The following MTMR2 variants were observed in gnomAD, a reference collection of about 807,000 sequenced individuals.
The protein encoded by MTMR2 is phosphatidylinositol-3,5-bisphosphate 3-phosphatase MTMR2.
Under a neutral mutation model 86.9 loss-of-function variants are expected in MTMR2, and 55 were observed. The ratio of observed to expected loss-of-function variants is 0.63; its 90% CI spans 0.51 to 0.79. MTMR2 has a LOEUF of 0.79. MTMR2 is among the 30% of genes least tolerant of loss of function. The pLI, the probability that MTMR2 is intolerant of heterozygous loss-of-function variation, is 0.00. For missense variants in MTMR2, 659 were observed against 772.3 expected, an observed-to-expected ratio of 0.85 and a Z score of 1.74; for synonymous variants, 241 against 266.8, an observed-to-expected ratio of 0.90 and a Z score of 0.94.
intron 2 of MTMR2, among the ~76,000 whole-genome samples, chr11:95,875,951 T>A (rs1033617888): frequency 1.3e-5 from 2 of 152,164 alleles, no homozygotes; most frequent in African/African-American, 4.8e-5. Context: ...GCCTGATCGT[T>A]CCTCTGGAAG....
In MTMR2 at chr11:95,846,558, T is replaced by C. The variant is rs1351403315; in HGVS notation, c.1179+1156A>G. Among the ~76,000 whole-genome samples the C allele has an allele frequency of 2.6e-5, 4 of 152,170 alleles. No individual in the cohort carries two copies. In the South Asian group the frequency reaches 6.2e-4, roughly 24 times the overall value. ...TTGAGCAGAGACCAGAAGAGAGTGA[T>C]TGAGTAAATAAACTTTCTTTGTGTG... On this transcript the variant is annotated intron_variant, in intron 10 of 14. Transcript: ENST00000346299.
chr11:95,853,045 A>T (rs470377), intron 7 of MTMR2, among the ~76,000 whole-genome samples: 42,032 of 120,596 alleles, frequency 0.35, 11,012 homozygotes, highest in African/African-American at 0.73. Context: ...TTTATATATA[A>T]TATATATATA....
chr11:95,843,233 C>T (rs1052418643), intron 11 of MTMR2, among the ~76,000 whole-genome samples: 2 of 152,062 alleles, frequency 1.3e-5, no homozygotes, highest in African/African-American at 4.8e-5. Context: ...TACTTGAAGG[C>T]TTTTCTGACA....
chr11:95,918,455 C>T (rs1866790382), intron 1 of MTMR2, among the ~76,000 whole-genome samples: 1 of 152,142 alleles, frequency 6.6e-6, no homozygotes, highest in Non-Finnish European at 1.5e-5. Flanking sequence ...ATATACGGGA[C>T]CCAGTCTCAG....
chr11:95,899,943 C>T (rs1038610294), intron 1 of MTMR2, among the ~76,000 whole-genome samples: 8 of 152,250 alleles, frequency 5.3e-5, no homozygotes, highest in African/African-American at 1.9e-4. Flanking sequence ...TCAAACATTT[C>T]TGAGTAGAAG....
chr11:95,915,144 GTAACAGA>G (rs1477987976), intron 1 of MTMR2, among the ~76,000 whole-genome samples: 1 of 152,092 alleles, frequency 6.6e-6, no homozygotes, highest in Non-Finnish European at 1.5e-5. Context: ...TCTAATATTG[GTAACAGA>G]GAACAGAGAA....
At chr11:95,842,454 G>A (rs1863586649) in intron 11 of MTMR2, among the ~76,000 whole-genome samples, 1 of 152,118 alleles carries the variant, frequency 6.6e-6, no homozygotes, top group South Asian at 2.1e-4. Context: ...TCATCAGGAG[G>A]AACCATATTA....
chr11:95,884,566 G>A (rs1336422353), intron 2 of MTMR2, among the ~76,000 whole-genome samples: 1 of 152,132 alleles, frequency 6.6e-6, no homozygotes, highest in Admixed American at 6.5e-5. Context: ...TTTGTCAAAT[G>A]GGAATAATAA....
In MTMR2 at chr11:95,883,410, T is replaced by C. The variant is rs182836036; in HGVS notation, c.186+4746A>G. On this transcript the variant is annotated intron_variant, in intron 2 of 14. Coordinates refer to ENST00000346299, the MANE Select transcript of MTMR2 (RefSeq NM_016156.6). ...TTGCAAATGAGTTATTTCTTTAAAT[T>C]GCATTACTTGAAATTCTATGTAAAA... is the stretch of plus-strand genomic sequence containing the variant. 3.7e-4 allele frequency among the ~76,000 whole-genome samples: 56 copies of C among 152,320 alleles called. 1 individual carries two copies. In the East Asian group the frequency reaches 0.01, roughly 28 times the overall value.
intron 2 of MTMR2, chr11:95,882,420 A>G (rs929032850): frequency 6.6e-6 from 1 of 151,438 alleles, no homozygotes; most frequent in Non-Finnish European, 1.5e-5. Flanking sequence ...AATCGCTTGA[A>G]CCCGGGAGAC....
At chr11:95,866,491 A>G (rs1864624145) in intron 2 of MTMR2, 1 of 152,094 alleles carries the variant, frequency 6.6e-6, no homozygotes, top group Non-Finnish European at 1.5e-5. Flanking sequence ...TAAGAACTAC[A>G]AAGAACAAAT....
chr11:95,892,721 TTTCCTA>T (rs1865755147), intron 1 of MTMR2, among the ~76,000 whole-genome samples: 1 of 152,192 alleles, frequency 6.6e-6, no homozygotes, highest in South Asian at 2.1e-4. Flanking sequence ...TTACTTTGTG[TTTCCTA>T]CACCCACTTT....
At position 95,848,981 on chromosome 11, in the gene MTMR2, A is replaced by G. The variant is rs1863909399; in HGVS notation, c.993+693T>C. 1.3e-5 allele frequency among the ~76,000 whole-genome samples: 2 copies of G among 152,212 alleles called. 1 individual carries two copies. Among genetic ancestry groups the G allele is most frequent in the African/African-American group, 4.8e-5 (2 of 41,462 alleles). On this transcript the variant is annotated intron_variant, in intron 9 of 14. Coordinates refer to ENST00000346299, the MANE Select transcript of MTMR2 (RefSeq NM_016156.6). ...TGTCACCGAAACACATAGAATAAAA[A>G]TGCCCTGGATTCAGGTAGTGGCATG... is the stretch of plus-strand genomic sequence containing the variant.
intron 7 of MTMR2, among the ~76,000 whole-genome samples, chr11:95,851,859 G>A (rs1397251167): frequency 1.3e-5 from 2 of 152,174 alleles, no homozygotes; most frequent in African/African-American, 4.8e-5. Context: ...ACAGGCAACA[G>A]GCAAGAAAAA....
chr11:95,905,540 A>G (rs1866242341), intron 1 of MTMR2, among the ~76,000 whole-genome samples: 1 of 152,042 alleles, frequency 6.6e-6, no homozygotes, highest in Middle Eastern at 3.2e-3. Context: ...AACAAAAGTA[A>G]TTTTCTCAGG....
intron 1 of MTMR2, among the ~76,000 whole-genome samples, chr11:95,891,313 T>C (rs1172104990): frequency 6.6e-6 from 1 of 151,240 alleles, no homozygotes; most frequent in Non-Finnish European, 1.5e-5. Context: ...TAGCCAGGAG[T>C]GGTGGCACAT....
At chr11:95,921,064 A>G (rs1237141558) in intron 1 of MTMR2, among the ~76,000 whole-genome samples, 1 of 152,248 alleles carries the variant, frequency 6.6e-6, no homozygotes, top group African/African-American at 2.4e-5. Flanking sequence ...GAAATTAGAG[A>G]TGAGTATATT....
chr11:95,893,129 C>T (rs1393550702), intron 1 of MTMR2, among the ~76,000 whole-genome samples: 1 of 152,104 alleles, frequency 6.6e-6, no homozygotes. Context: ...GCTCACTTTC[C>T]TCTCTAGCAT....
Position 95,834,743 on chromosome 11 carries a change from C to CTT in MTMR2, c.*545_*546dup, listed in dbSNP as rs1216635234. The CTT allele has an allele frequency of 6.2e-6, 1 of 160,506 alleles. No homozygotes were observed. The highest frequency in any genetic ancestry group is 1.4e-5 in the Non-Finnish European group (1 of 72,410). The allele number at this position is 160,506 out of a possible 1,614,324, so 9.9% of individuals were successfully genotyped here. A position where few individuals can be genotyped will look rare whatever the true frequency, so the allele number is the denominator to read the frequency against. On this transcript the variant is annotated 3_prime_UTR_variant, in exon 15 of 15. Coordinates refer to ENST00000346299, the MANE Select transcript of MTMR2 (RefSeq NM_016156.6). ...CTACCACACCGTAGTATCTTCAACA[C>CTT]TTTGCCTTTTACTATATGAAGAATA...
Sources: allele counts gnomAD v4.1 joint callset (sites outside exome capture counted in the v4.1 genomes callset), GRCh38; gene constraint gnomAD v4.1.1; transcripts MANE v1.5; gene names NCBI Gene and HGNC (gene_info 2026-07-23, HGNC 2026-07-21).